The following HERC1 variants were observed in gnomAD, a reference collection of about 807,000 sequenced individuals.
HERC1 encodes HECT and RLD domain containing E3 ubiquitin protein ligase family member 1.
A neutral mutation model predicts 554.3 loss-of-function variants in HERC1; 160 were observed. That is an observed-to-expected ratio of 0.29 (90% CI 0.25 to 0.33). The LOEUF is 0.33. HERC1 is among the 10% of genes least tolerant of loss of function. HERC1 has a pLI of 1.00. For synonymous variants in HERC1, 2,175 were observed against 2,131.7 expected, an observed-to-expected ratio of 1.02 and a Z score of -0.56; for missense variants, 4,919 against 5,918.5, an observed-to-expected ratio of 0.83 and a Z score of 5.54.
At chr15:63,624,024 C>G (rs74343831) in intron 72 of HERC1, 134 bp from the exon 73 acceptor site, 3 of 1,229,416 alleles carry the variant, frequency 2.4e-6, no homozygotes. Flanking sequence ...TGTAACCACA[C>G]CAGGTACTAA....
chr15:63,622,665 A>G, intron 74 of HERC1, 150 bp downstream of exon 74: 4 of 519,228 alleles, frequency 7.7e-6, no homozygotes, highest in Non-Finnish European at 1.3e-5. Context: ...GGATAACAAC[A>G]ATATTTACTC....
intron 53 of HERC1, among the ~76,000 whole-genome samples, 184 bp downstream of exon 53, chr15:63,651,069 A>C (rs1453262739): frequency 6.6e-6 from 1 of 152,214 alleles, no homozygotes; most frequent in Admixed American, 6.5e-5. Context: ...CCAGAAAGAA[A>C]AGTGAATAAA....
chr15:63,638,497 C>T lies in HERC1; in HGVS notation c.12007G>A (p.Gly4003Ser). The change falls in exon 63 of 78, where the codon GGT (glycine) becomes AGT (serine). Residue 4003 changes from glycine (G) to serine (S), a missense_variant. Gly to Ser is a moderately conservative substitution (Grantham distance 56, BLOSUM62 0). Transcript: ENST00000443617. ...LGGKCDVYLWGAGRHGQLAEA... is the reference protein window; with the variant it reads ...LGGKCDVYLWSAGRHGQLAEA... The stretch of plus-strand genomic sequence containing the variant: ...GCCAGCTGTCCATGCCTACCAGCAC[C>T]CCATAAGTAGACATCACATTTACCT... 1 of 1,613,822 alleles carries T rather than the reference C, an allele frequency of 6.2e-7. No individual in the cohort carries two copies. The highest frequency in any genetic ancestry group is 8.5e-7 in the Non-Finnish European group (1 of 1,179,778).
At chr15:63,789,842 T>A (rs2076584100) in intron 1 of HERC1, among the ~76,000 whole-genome samples, 1 of 75,276 alleles carries the variant, frequency 1.3e-5, no homozygotes. Flanking sequence ...ATAAATGTAT[T>A]ATATATTCTA....
rs771263787 is a variant in HERC1, at chr15:63,666,040, A to G, written c.8434T>C (p.Ser2812Pro). ...CCTAGAACGGCTGCTCCAGGCCTAG[A>G]GTCTGCTGTGCTGCCCGACTGGGGC... The part of the protein sequence containing the change: ...EEPQSGSTAD[S>P]RPGAAVLGSG... The change falls in exon 42 of 78, where the codon TCT becomes CCT. Residue 2812 changes from serine (S) to proline (P), a missense_variant. Physicochemically the swap from Ser to Pro is moderately conservative, Grantham distance 74. Transcript: ENST00000443617. The G allele has an allele frequency of 6.2e-7, 1 of 1,614,036 alleles. No individual in the cohort carries two copies. The highest frequency in any genetic ancestry group is 8.5e-7 in the Non-Finnish European group (1 of 1,179,890).
chr15:63,828,654 T>A (rs566209048), intron 1 of HERC1, among the ~76,000 whole-genome samples: 5 of 152,146 alleles, frequency 3.3e-5, no homozygotes, highest in Non-Finnish European at 7.4e-5. Context: ...CACCTTTTTA[T>A]ACAGTAGTGT....
At chr15:63,668,673 C>T (rs1450115037) in intron 40 of HERC1, among the ~76,000 whole-genome samples, 1 of 152,098 alleles carries the variant, frequency 6.6e-6, no homozygotes, top group African/African-American at 2.4e-5. Flanking sequence ...AAAAAAATAT[C>T]ACCAAGGATA....
rs529095899 is a variant in HERC1, at chr15:63,744,398, C to T, written c.2520+2520G>A. ...CTGTGGTTCCACAATCAGCCAGTGG[C>T]AAAGCCAGCCAGGCCGTGTCCTTCC... On this transcript the variant is annotated intron_variant, in intron 12 of 77. Transcript: ENST00000443617. Among the ~76,000 whole-genome samples the T allele has an allele frequency of 1.6e-4, 25 of 152,288 alleles. 1 individual carries two copies. The South Asian group carries it at 4.8e-3, about 29-fold the overall frequency.
rs1335165047 is a variant in HERC1, at chr15:63,624,147, C to T, written c.13445+11G>A. ...ACAGCTCATTAGTCAAACACACATA[C>T]ATATGCTAACCTGGTTGATATCCTC... On this transcript the variant is annotated intron_variant, in intron 72 of 77. Transcript: ENST00000443617. 2.5e-6 allele frequency: 4 copies of T among 1,597,234 alleles called. 1 individual carries two copies. The highest frequency in any genetic ancestry group is 2.3e-5 in the South Asian group (2 of 88,722).
chr15:63,764,010 G>T (rs1258797664), intron 3 of HERC1, 86 bp downstream of exon 3: 2 of 708,686 alleles, frequency 2.8e-6, no homozygotes, highest in Non-Finnish European at 4.3e-6. Flanking sequence ...CTTTTCCAGA[G>T]AAAATGGATT....
intron 36 of HERC1, 84 bp downstream of exon 36, chr15:63,679,993 T>C (rs529218979): frequency 8.6e-5 from 78 of 907,094 alleles, no homozygotes; most frequent in Non-Finnish European, 1.2e-4. Flanking sequence ...GCAGAAGAAA[T>C]AGCTTATTAT....
intron 1 of HERC1, among the ~76,000 whole-genome samples, chr15:63,807,729 G>C (rs1173167692): frequency 6.6e-6 from 1 of 152,058 alleles, no homozygotes; most frequent in Admixed American, 6.5e-5. Flanking sequence ...CTCTGCTCTA[G>C]TCAGGTAGGA....
At chr15:63,648,001 G>A in intron 55 of HERC1, 68 bp downstream of exon 55, 1 of 1,249,584 alleles carries the variant, frequency 8.0e-7, no homozygotes, top group Non-Finnish European at 1.1e-6. Flanking sequence ...TCTCCACTGT[G>A]TAATCTATGC....
chr15:63,721,592 A>C (rs2073824053), intron 19 of HERC1, among the ~76,000 whole-genome samples: 1 of 152,168 alleles, frequency 6.6e-6, no homozygotes, highest in South Asian at 2.1e-4. Flanking sequence ...GGCAGATCTG[A>C]ATAATATGTA....
At chr15:63,665,022 T>C (rs190413762) in intron 42 of HERC1, among the ~76,000 whole-genome samples, 1 of 152,314 alleles carries the variant, frequency 6.6e-6, no homozygotes, top group Admixed American at 6.5e-5. Context: ...TTGGTTACTA[T>C]ATGGCTCCAT....
intron 1 of HERC1, among the ~76,000 whole-genome samples, chr15:63,815,783 A>G (rs1013294655): frequency 6.6e-6 from 1 of 152,184 alleles, no homozygotes; most frequent in Non-Finnish European, 1.5e-5. Context: ...GGTAATTTAT[A>G]AAGGAAAGAG....
intron 56 of HERC1, 112 bp downstream of exon 56, chr15:63,645,371 A>C: frequency 1.3e-6 from 1 of 769,328 alleles, no homozygotes. Flanking sequence ...ACATTATAAG[A>C]ATAGCAACTG....
chr15:63,626,217 G>A, intron 70 of HERC1, 63 bp from the exon 71 acceptor site: 1 of 1,537,518 alleles, frequency 6.5e-7, no homozygotes. Flanking sequence ...TTCACATTTT[G>A]AAAAATTTCA....
intron 39 of HERC1, among the ~76,000 whole-genome samples, chr15:63,671,242 C>T (rs984148548): frequency 2.7e-5 from 4 of 148,346 alleles, no homozygotes; most frequent in African/African-American, 5.0e-5. Context: ...TGTGGTGGTA[C>T]ACTTGTAGTC....
Sources: allele counts gnomAD v4.1 joint callset (sites outside exome capture counted in the v4.1 genomes callset), GRCh38; gene constraint gnomAD v4.1.1; transcripts MANE v1.5; gene names NCBI Gene and HGNC (gene_info 2026-07-23, HGNC 2026-07-21).